The following DLGAP1 variants were observed in gnomAD, a reference collection of about 807,000 sequenced individuals.
DLGAP1 encodes disks large-associated protein 1.
Under a neutral mutation model 90.8 loss-of-function variants are expected in DLGAP1, and 11 were observed. That is an observed-to-expected ratio of 0.12 (90% CI 0.08 to 0.20). The LOEUF is 0.20. Ranked by LOEUF, DLGAP1 falls within the 10% of genes least tolerant of loss-of-function variation. The probability of loss-of-function intolerance (pLI) is 1.00; values close to 1 mark genes in which losing one functional copy is unlikely to be tolerated. For synonymous variants in DLGAP1, 558 were observed against 540.7 expected (o/e 1.03, Z -0.44); for missense variants, 1,050 against 1,333.8 (o/e 0.79, Z 3.31).
At chr18:3,722,836 G>T (rs924932854) in intron 7 of DLGAP1, among the ~76,000 whole-genome samples, 2 of 152,316 alleles carry the variant, frequency 1.3e-5, no homozygotes, top group South Asian at 4.1e-4. Context: ...GGTCATTAAT[G>T]CTGGGAAGAG....
intron 3 of DLGAP1, among the ~76,000 whole-genome samples, chr18:3,940,788 T>C (rs1451105965): frequency 6.6e-6 from 1 of 152,222 alleles, no homozygotes; most frequent in African/African-American, 2.4e-5. Context: ...TGAAAAATCA[T>C]TGCCTTACTT....
At chr18:4,167,896 C>G (rs1242530054) in intron 1 of DLGAP1, among the ~76,000 whole-genome samples, 1 of 152,088 alleles carries the variant, frequency 6.6e-6, no homozygotes, top group African/African-American at 2.4e-5. Flanking sequence ...TGTACAGAAT[C>G]TGTATGTTGA....
At chr18:3,612,810 A>C (rs984158511) in intron 7 of DLGAP1, among the ~76,000 whole-genome samples, 1 of 152,102 alleles carries the variant, frequency 6.6e-6, no homozygotes, top group South Asian at 2.1e-4. Context: ...TGTGTTAGCT[A>C]TATCTTCAAG....
Position 4,099,299 on chromosome 18 carries a change from CT to C in DLGAP1, c.-159+51880del, listed in dbSNP as rs2075736375. ...ATCTATCTATCTATCTGTCTATCAT[CT>C]ATCTATCTATCTATCTATCTATCTA... On this transcript the variant is annotated intron_variant, in intron 2 of 12. Transcript: ENST00000315677. Among the ~76,000 whole-genome samples the C allele has an allele frequency of 3.1e-4, 5 of 16,312 alleles. No individual in the cohort carries two copies. The South Asian group carries it at 7.1e-3, about 23-fold the overall frequency. 10.7% of individuals were successfully genotyped at this position (16,312 alleles called of 152,430 possible). A position where few individuals can be genotyped will look rare whatever the true frequency, so the allele number is the denominator to read the frequency against.
chr18:4,105,963 C>T (rs2075856965), intron 2 of DLGAP1, among the ~76,000 whole-genome samples: 1 of 133,150 alleles, frequency 7.5e-6, no homozygotes, highest in Non-Finnish European at 1.5e-5. Context: ...ACCCGGGAGG[C>T]GGAGCTTGCA....
chr18:4,381,907 G>A (rs1206558819), intron 1 of DLGAP1, among the ~76,000 whole-genome samples: 1 of 152,114 alleles, frequency 6.6e-6, no homozygotes, highest in Non-Finnish European at 1.5e-5. Context: ...CACAATTATG[G>A]CGGAAGGCAA....
At chr18:4,201,153 A>G (rs1607970) in intron 1 of DLGAP1, among the ~76,000 whole-genome samples, 2 of 151,832 alleles carry the variant, frequency 1.3e-5, no homozygotes, top group Admixed American at 1.3e-4. Context: ...AGTTTAGTTC[A>G]GTCCCGTTTA....
intron 4 of DLGAP1, chr18:3,821,899 C>A: frequency 1.0e-6 from 1 of 985,278 alleles, no homozygotes; most frequent in Non-Finnish European, 1.2e-6. Context: ...CACTCGATTT[C>A]TTTGCATCTT....
chr18:3,602,582 G>A (rs1418463895), intron 7 of DLGAP1, among the ~76,000 whole-genome samples: 6 of 123,700 alleles, frequency 4.9e-5, no homozygotes, highest in Admixed American at 9.5e-5. Flanking sequence ...GCGACAGAGC[G>A]AGACTCCGTC....
At chr18:4,208,532 T>C (rs184835799) in intron 1 of DLGAP1, among the ~76,000 whole-genome samples, 2 of 152,302 alleles carry the variant, frequency 1.3e-5, no homozygotes, top group Admixed American at 6.5e-5. Flanking sequence ...GCCAGTAACA[T>C]ATGTTGTTGA....
intron 7 of DLGAP1, among the ~76,000 whole-genome samples, chr18:3,593,307 GGAGA>G (rs2056384759): frequency 6.6e-6 from 1 of 152,182 alleles, no homozygotes; most frequent in Non-Finnish European, 1.5e-5. Context: ...TATTGCAGAA[GGAGA>G]GAAATGCCAC....
chr18:3,599,465 G>A (rs2056777900), intron 7 of DLGAP1, among the ~76,000 whole-genome samples: 1 of 152,214 alleles, frequency 6.6e-6, no homozygotes, highest in African/African-American at 2.4e-5. Flanking sequence ...AATTGGGGCA[G>A]AAGGATGCCA....
chr18:4,036,986 G>A (rs1216990696), intron 2 of DLGAP1, among the ~76,000 whole-genome samples: 1 of 152,190 alleles, frequency 6.6e-6, no homozygotes. Context: ...TGAGTAGTGT[G>A]CAAATTGTAA....
chr18:3,721,017 C>T (rs940531037), intron 7 of DLGAP1, among the ~76,000 whole-genome samples: 11 of 151,750 alleles, frequency 7.2e-5, no homozygotes, highest in African/African-American at 2.4e-4. Flanking sequence ...GATTGCACCA[C>T]TGTACTCTAG....
In DLGAP1 at chr18:3,833,090, T is replaced by C. The variant is rs16945477; in HGVS notation, c.958-18817A>G. 9.9e-3 allele frequency among the ~76,000 whole-genome samples: 1,511 copies of C among 152,162 alleles called. 60 individuals are homozygous for C. The highest frequency in any genetic ancestry group is 0.069 in the East Asian group (356 of 5,166). ...TTGTTGTGCCCTATTACATTGGTGG[T>C]GTAATTTTCTTTTTTCTTTAATTTT... On this transcript the variant is annotated intron_variant, in intron 4 of 12. Coordinates refer to ENST00000315677, the MANE Select transcript of DLGAP1 (RefSeq NM_004746.4).
At chr18:4,326,060 C>T (rs916782607) in intron 1 of DLGAP1, among the ~76,000 whole-genome samples, 1 of 152,052 alleles carries the variant, frequency 6.6e-6, no homozygotes, top group African/African-American at 2.4e-5. Context: ...AAACTATCAA[C>T]ACAGTAAACA....
chr18:3,868,125 G>A (rs2070519100), intron 4 of DLGAP1, among the ~76,000 whole-genome samples: 1 of 152,198 alleles, frequency 6.6e-6, no homozygotes, highest in Non-Finnish European at 1.5e-5. Context: ...TTGACTAAAA[G>A]TGTCTGCTCA....
chr18:4,201,631 A>T (rs555972256), intron 1 of DLGAP1, among the ~76,000 whole-genome samples: 1 of 152,150 alleles, frequency 6.6e-6, no homozygotes, highest in Non-Finnish European at 1.5e-5. Context: ...CCAAGAAAAA[A>T]AACAAAGAAT....
intron 3 of DLGAP1, among the ~76,000 whole-genome samples, chr18:4,004,517 A>G (rs1427559307): frequency 6.6e-6 from 1 of 152,204 alleles, no homozygotes; most frequent in African/African-American, 2.4e-5. Flanking sequence ...TGAAATACAC[A>G]TGAATTAGAT....
Sources: allele counts gnomAD v4.1 joint callset (sites outside exome capture counted in the v4.1 genomes callset), GRCh38; gene constraint gnomAD v4.1.1; transcripts MANE v1.5; gene names NCBI Gene and HGNC (gene_info 2026-07-23, HGNC 2026-07-21).